The following KTN1 variants were observed in gnomAD, a reference collection of about 807,000 sequenced individuals.
KTN1 encodes kinectin 1, also known as kinectin.
A neutral mutation model predicts 222.5 loss-of-function variants in KTN1; 130 were observed. The ratio of observed to expected loss-of-function variants is 0.58; its 90% CI spans 0.51 to 0.68. The LOEUF (loss-of-function observed/expected upper bound fraction) is 0.68. KTN1 is among the 30% of genes least tolerant of loss of function. The pLI is 0.00. For synonymous variants in KTN1, 512 were observed against 496.3 expected (o/e 1.03, Z -0.42); for missense variants, 1,508 against 1,500.4 (o/e 1.01, Z -0.08).
At chr14:55,604,661 T>G (rs755823205) in intron 1 of KTN1, among the ~76,000 whole-genome samples, 22 of 152,188 alleles carry the variant, frequency 1.4e-4, no homozygotes, top group Non-Finnish European at 2.6e-4. Flanking sequence ...TGTGGCCCTT[T>G]TACTGCTGTT....
Position 55,638,310 on chromosome 14 carries a change from G to A in KTN1, c.1785+463G>A, listed in dbSNP as rs556265775. ...CAGTTTAGTGACTCAGCCTTCCAAAGTTTTCAAGTGATAGTGTAAGACCTG... is the reference window on the plus strand; with the variant it reads ...CAGTTTAGTGACTCAGCCTTCCAAAATTTTCAAGTGATAGTGTAAGACCTG... On this transcript the variant is annotated intron_variant, in intron 12 of 43. Transcript: ENST00000395314. Among the ~76,000 whole-genome samples, 61 of 151,928 alleles carry A rather than the reference G, an allele frequency of 4.0e-4. 2 individuals carry two copies. The South Asian group carries it at 0.013, about 32-fold the overall frequency.
chr14:55,644,560 CTTTTTT>C (rs34100965), intron 18 of KTN1: 357 of 320,086 alleles, frequency 1.1e-3, no homozygotes, highest in Middle Eastern at 3.7e-3. Flanking sequence ...CAGAATAAGA[CTTTTTT>C]TTTTTTTTTT....
chr14:55,667,012 T>C (rs910935671), intron 33 of KTN1, among the ~76,000 whole-genome samples: 8 of 152,040 alleles, frequency 5.3e-5, no homozygotes, highest in African/African-American at 1.9e-4. Flanking sequence ...TGTCAGATAT[T>C]GCTAAGGCAT....
chr14:55,671,354 CA>C lies in KTN1; in HGVS notation c.3349-210del, dbSNP rs1457465883. The C allele has an allele frequency of 1.1e-5, 6 of 534,264 alleles. No individual in the cohort carries two copies. The East Asian group carries it at 1.2e-4, about 11-fold the overall frequency. The allele number at this position is 534,264 out of a possible 1,614,324, so 33.1% of individuals were successfully genotyped here. ...ACCACCTGACTAAAGACTTTAGTAC[CA>C]AGACTATTTATTATAACATTGTTTA... On this transcript the variant is annotated intron_variant, in intron 35 of 43. Transcript: ENST00000395314.
chr14:55,682,534 G>T (rs2046463087), intron 43 of KTN1: 1 of 152,138 alleles, frequency 6.6e-6, no homozygotes, highest in South Asian at 2.1e-4. Flanking sequence ...GTTGAGGGAG[G>T]ATGATAATTT....
intron 33 of KTN1, among the ~76,000 whole-genome samples, chr14:55,664,406 G>A (rs903298699): frequency 2.0e-5 from 3 of 152,136 alleles, no homozygotes; most frequent in African/African-American, 7.2e-5. Flanking sequence ...ATTTGAATAT[G>A]TAGGATGTGC....
rs1304188942 is a variant in KTN1, at chr14:55,684,119, G to C, written c.*16G>C. On this transcript the variant is annotated 3_prime_UTR_variant, in exon 44 of 44. Transcript: ENST00000395314. ...TACAGAGTGAAGTAATTGGGAAACT[G>C]TTCATTTGAGGATAAAAAAGGCATT... 6.3e-7 allele frequency: 1 copy of C among 1,595,670 alleles called. No homozygotes were observed. The highest frequency in any genetic ancestry group is 1.7e-5 in the Admixed American group (1 of 58,566).
intron 1 of KTN1, among the ~76,000 whole-genome samples, chr14:55,593,445 C>CAA (rs200975637): frequency 1.9e-4 from 27 of 139,658 alleles, no homozygotes; most frequent in South Asian, 9.8e-4. Flanking sequence ...CACCCCCCCC[C>CAA]CAAAAAAAAA....
At chr14:55,607,202 C>A (rs1039641010) in intron 1 of KTN1, 1 of 152,070 alleles carries the variant, frequency 6.6e-6, no homozygotes, top group Non-Finnish European at 1.5e-5. Flanking sequence ...AGTGATGTGT[C>A]TCAGGTTTTG....
chr14:55,629,847 T>A, intron 6 of KTN1, 110 bp from the exon 7 acceptor site: 1 of 773,860 alleles, frequency 1.3e-6, no homozygotes, highest in Non-Finnish European at 2.1e-6. Context: ...TAATGTTTTA[T>A]CATTCATGAT....
intron 18 of KTN1, among the ~76,000 whole-genome samples, chr14:55,643,490 T>C (rs1216775998): frequency 1.3e-5 from 2 of 152,196 alleles, no homozygotes; most frequent in Non-Finnish European, 2.9e-5. Flanking sequence ...AGTTTCTGTG[T>C]GTTAGTTACC....
chr14:55,629,565 C>A (rs887701530), intron 6 of KTN1, among the ~76,000 whole-genome samples: 1 of 151,714 alleles, frequency 6.6e-6, no homozygotes, highest in Non-Finnish European at 1.5e-5. Flanking sequence ...TTATTTCCTT[C>A]TAGGCCTTTT....
At chr14:55,680,651 T>G in intron 43 of KTN1, 1 of 1,316,844 alleles carries the variant, frequency 7.6e-7, no homozygotes, top group Non-Finnish European at 1.0e-6. Flanking sequence ...TGGACTTCCA[T>G]TTTGATCTTA....
chr14:55,671,392 C>CAAA, intron 35 of KTN1, 174 bp from the exon 36 acceptor site: 1 of 566,256 alleles, frequency 1.8e-6, no homozygotes, highest in Non-Finnish European at 3.1e-6. Context: ...TAAAAATGAC[C>CAAA]AAAAGGGTTA....
rs1241761492 is a variant in KTN1 at position 55,652,887 on chromosome 14, G to T, written c.2641G>T (p.Ala881Ser). 1.2e-6 allele frequency: 2 copies of T among 1,610,384 alleles called. No individual in the cohort carries two copies. Among genetic ancestry groups the T allele is most frequent in the Admixed American group, 3.3e-5 (2 of 59,770 alleles). ...AGAGGAACAGATGAATACCATGAAG[G>T]CTGTTTTGGAAGAGAAAGAGAAAGA... ...GKEEQMNTMKAVLEEKEKDLA... is the reference protein window; with the variant it reads ...GKEEQMNTMKSVLEEKEKDLA... Residue 881 changes from alanine to serine, a missense_variant, in exon 26 of 44, where the codon GCT becomes TCT. Transcript: ENST00000395314.
At chr14:55,630,555 T>G (rs1290219779) in intron 7 of KTN1, among the ~76,000 whole-genome samples, 1 of 152,170 alleles carries the variant, frequency 6.6e-6, no homozygotes, top group African/African-American at 2.4e-5. Context: ...ATGAGTGCAC[T>G]CCAGGTGTTA....
In KTN1 at chr14:55,639,948, A is replaced by C. The variant is rs139488147; in HGVS notation, c.1859A>C (p.Glu620Ala). 6.7e-4 allele frequency: 1,085 copies of C among 1,608,802 alleles called. 5 individuals are homozygous for C. The highest frequency in any genetic ancestry group is 4.3e-3 in the Middle Eastern group (26 of 6,032). Residue 620 changes from glutamate to alanine, a missense_variant, in exon 14 of 44, where the codon GAA (glutamate) becomes GCA (alanine). By Grantham distance (107) the Glu-to-Ala change is moderately radical (BLOSUM62 -1). Transcript: ENST00000395314. ...AEKDKQIKQT[E>A]DSLASERDRL... ...AAGGATAAGCAGATAAAACAGACTG[A>C]AGATTCTTTAGCAAGTGAACGTGAT...
intron 41 of KTN1, among the ~76,000 whole-genome samples, chr14:55,677,818 C>T (rs1240291280): frequency 6.6e-6 from 1 of 152,204 alleles, no homozygotes; most frequent in Non-Finnish European, 1.5e-5. Flanking sequence ...CCTTCCTCAG[C>T]CTCCCTAGTA....
intron 18 of KTN1, among the ~76,000 whole-genome samples, chr14:55,643,646 T>C (rs1432308105): frequency 6.6e-6 from 1 of 152,236 alleles, no homozygotes; most frequent in Non-Finnish European, 1.5e-5. Flanking sequence ...GCGACTCTTA[T>C]TTAAACAGAA....
Sources: allele counts gnomAD v4.1 joint callset (sites outside exome capture counted in the v4.1 genomes callset), GRCh38; gene constraint gnomAD v4.1.1; transcripts MANE v1.5; gene names NCBI Gene and HGNC (gene_info 2026-07-23, HGNC 2026-07-21).